LRGUK: variants seen among roughly 807,000 people sequenced by gnomAD.
LRGUK encodes the protein leucine rich repeats and guanylate kinase domain containing, also known as leucine-rich repeat and guanylate kinase domain-containing protein.
In LRGUK, 65 loss-of-function variants were observed where a neutral mutation model predicts 76.0. The observed-to-expected ratio is 0.85, with a 90% CI of 0.70 to 1.05. The LOEUF is 1.05. Ranked by LOEUF, LRGUK falls within the 50% of genes least tolerant of loss-of-function variation. The pLI, the probability that LRGUK is intolerant of heterozygous loss-of-function variation, is 0.00. For missense variants in LRGUK, 758 were observed against 732.8 expected (o/e 1.03, Z -0.40); for synonymous variants, 268 against 265.6 (o/e 1.01, Z -0.09).
At chr7:134,212,490 T>C (rs949891878), downstream of LRGUK, among the ~76,000 whole-genome samples, 2 of 152,242 alleles carry the variant, frequency 1.3e-5, no homozygotes, top group Non-Finnish European at 2.9e-5. Context: ...GAATTTCAAA[T>C]GTTATTTCAA....
At chr7:134,182,727 T>G (rs112384102) in intron 10 of LRGUK, among the ~76,000 whole-genome samples, 142 of 150,972 alleles carry the variant, frequency 9.4e-4, no homozygotes, top group Middle Eastern at 3.4e-3. Context: ...AACACATTGT[T>G]CAGTGTGTTG....
chr7:134,161,565 A>T (rs1036047274), intron 6 of LRGUK, among the ~76,000 whole-genome samples: 4 of 152,132 alleles, frequency 2.6e-5, no homozygotes. Context: ...AATGAACACA[A>T]ATCTTGCTCA....
At chr7:134,258,276 T>A in exon 19 of LRGUK, 1 of 1,614,134 alleles carries the variant, frequency 6.2e-7, no homozygotes, top group Non-Finnish European at 8.5e-7. Flanking sequence ...TTCCTTGGTT[T>A]CCATGAAATG....
chr7:134,253,959 G>C lies in LRGUK; in HGVS notation c.2199-4298G>C, dbSNP rs150412451. ...CAAGCTTTACACAATACAACAAAAG[G>C]GTTAATATTCAATACGTGAAGAGTT... On this transcript the variant is annotated intron_variant, in intron 18 of 19. Coordinates refer to the LRGUK transcript ENST00000285928. Among the ~76,000 whole-genome samples the C allele has an allele frequency of 5.7e-3, 873 of 152,206 alleles. 11 individuals are homozygous for C. Among genetic ancestry groups the C allele is most frequent in the African/African-American group, 0.02 (813 of 41,516 alleles).
At chr7:134,270,731 A>T in the LRGUK span, among the ~76,000 whole-genome samples, 5 of 152,128 alleles carry the variant, frequency 3.3e-5, no homozygotes, top group Non-Finnish European at 7.4e-5. Flanking sequence ...TTATTGCTAT[A>T]TAATATCACA....
chr7:134,205,539 A>G (rs1800968037), intron 15 of LRGUK, among the ~76,000 whole-genome samples: 2 of 152,234 alleles, frequency 1.3e-5, no homozygotes, highest in Non-Finnish European at 2.9e-5. Context: ...GGACCTCTAG[A>G]AATAAAAAAC....
At chr7:134,191,279 GGA>G (rs1225047534) in intron 11 of LRGUK, among the ~76,000 whole-genome samples, 1 of 152,214 alleles carries the variant, frequency 6.6e-6, no homozygotes, top group Non-Finnish European at 1.5e-5. Flanking sequence ...CCAGGTGGAA[GGA>G]GAGAAGGACA....
downstream of LRGUK, among the ~76,000 whole-genome samples, chr7:134,266,359 T>A (rs1292605488): frequency 6.6e-6 from 1 of 152,186 alleles, no homozygotes; most frequent in African/African-American, 2.4e-5. Flanking sequence ...ATCATAAAAA[T>A]GCTTCAACAA....
chr7:134,161,470 A>G (rs1318069461), intron 6 of LRGUK, among the ~76,000 whole-genome samples: 2 of 152,062 alleles, frequency 1.3e-5, no homozygotes, highest in African/African-American at 2.4e-5. Context: ...GAAGAATACT[A>G]TGATAAACCC....
intron 11 of LRGUK, among the ~76,000 whole-genome samples, chr7:134,190,671 T>C (rs984015728): frequency 4.6e-5 from 7 of 152,338 alleles, no homozygotes; most frequent in Admixed American, 2.6e-4. Flanking sequence ...AGAGGAGTTA[T>C]TTTTGTAGTC....
intron 7 of LRGUK, among the ~76,000 whole-genome samples, chr7:134,167,702 G>T (rs1799055452): frequency 6.6e-6 from 1 of 152,136 alleles, no homozygotes; most frequent in Non-Finnish European, 1.5e-5. Context: ...TCCTCATGCA[G>T]ATCCAGCGTA....
intron 7 of LRGUK, among the ~76,000 whole-genome samples, chr7:134,173,830 C>T (rs1185219017): frequency 6.6e-6 from 1 of 152,110 alleles, no homozygotes; most frequent in Non-Finnish European, 1.5e-5. Context: ...AGTAAGAAGG[C>T]TTTGGCCGGG....
chr7:134,195,023 C>T (rs1047290567), intron 12 of LRGUK, among the ~76,000 whole-genome samples: 1 of 152,040 alleles, frequency 6.6e-6, no homozygotes, highest in Admixed American at 6.6e-5. Flanking sequence ...TGGGGGGAAG[C>T]CAGTGAGCCG....
chr7:134,144,686 GAAAC>G (rs1301608444), intron 4 of LRGUK, among the ~76,000 whole-genome samples: 2 of 152,102 alleles, frequency 1.3e-5, no homozygotes, highest in African/African-American at 4.8e-5. Flanking sequence ...TTGAAATCAA[GAAAC>G]AGACATTCCC....
chr7:134,155,884 T>TA (rs1406877285), intron 5 of LRGUK, among the ~76,000 whole-genome samples: 1 of 152,152 alleles, frequency 6.6e-6, no homozygotes, highest in Non-Finnish European at 1.5e-5. Flanking sequence ...CCTTCTTGCT[T>TA]AAAAAAATTG....
chr7:134,272,280 T>A, the LRGUK span, among the ~76,000 whole-genome samples: 206 of 152,316 alleles, frequency 1.4e-3, no homozygotes, highest in African/African-American at 4.8e-3. Flanking sequence ...ATTAATTCAA[T>A]CATATTCATT....
intron 1 of LRGUK, among the ~76,000 whole-genome samples, chr7:134,136,382 C>A (rs1395653862): frequency 1.3e-5 from 2 of 152,124 alleles, no homozygotes; most frequent in Non-Finnish European, 2.9e-5. Context: ...AGGAAGTGAA[C>A]TGAAGGACCT....
chr7:134,273,938 T>A, the LRGUK span, among the ~76,000 whole-genome samples: 1 of 152,166 alleles, frequency 6.6e-6, no homozygotes, highest in African/African-American at 2.4e-5. Flanking sequence ...ATATTCATCT[T>A]AATTTGTTAT....
chr7:134,252,283 A>G (rs1459997159), intron 18 of LRGUK, among the ~76,000 whole-genome samples: 1 of 152,066 alleles, frequency 6.6e-6, no homozygotes, highest in East Asian at 1.9e-4. Flanking sequence ...AGCTGCAGTG[A>G]GCCATGATTG....
Sources: allele counts gnomAD v4.1 joint callset (sites outside exome capture counted in the v4.1 genomes callset), GRCh38; gene constraint gnomAD v4.1.1; transcripts MANE v1.5; gene names NCBI Gene and HGNC (gene_info 2026-07-23, HGNC 2026-07-21).